Variants in LRP1B observed in about 807,000 individuals in gnomAD.
LRP1B encodes LDL receptor related protein 1B.
Under a neutral mutation model 556.6 loss-of-function variants are expected in LRP1B, and 217 were observed. That is an observed-to-expected ratio of 0.39 (90% CI 0.35 to 0.44). The LOEUF is 0.44. Among genes scored for constraint, LRP1B ranks in the 20% least tolerant of loss-of-function variants. The probability of loss-of-function intolerance (pLI) is 1.00; values close to 1 mark genes in which losing one functional copy is unlikely to be tolerated. For missense variants in LRP1B, 5,053 were observed against 5,620.8 expected, an observed-to-expected ratio of 0.90 and a Z score of 3.23; for synonymous variants, 2,047 against 1,865.8, an observed-to-expected ratio of 1.10 and a Z score of -2.50.
Position 141,175,752 on chromosome 2 carries a change from C to T in LRP1B, c.1013+12669G>A, listed in dbSNP as rs188232164. ...GAGAAGATTACCACCATCCTCCAGA[C>T]GCCAGAATGGAAGATCTACCAACAG... On this transcript the variant is annotated intron_variant, in intron 7 of 90. Coordinates refer to ENST00000389484, the MANE Select transcript of LRP1B (RefSeq NM_018557.3). Among the ~76,000 whole-genome samples, 12 of 152,154 alleles carry T rather than the reference C, an allele frequency of 7.9e-5. No homozygotes were observed. The East Asian group carries it at 1.8e-3, about 22-fold the overall frequency.
chr2:140,780,899 C>T (rs901466544), intron 32 of LRP1B, among the ~76,000 whole-genome samples: 9 of 152,072 alleles, frequency 5.9e-5, no homozygotes, highest in African/African-American at 2.2e-4. Context: ...GGTTGTTTAC[C>T]CTACCCTTTG....
At chr2:141,182,520 CCAATT>C (rs949919572) in intron 7 of LRP1B, among the ~76,000 whole-genome samples, 5 of 151,866 alleles carry the variant, frequency 3.3e-5, no homozygotes, top group African/African-American at 1.2e-4. Context: ...TACACTTTTA[CCAATT>C]CATTTTATTA....
At chr2:140,409,266 C>A (rs1458711301) in intron 66 of LRP1B, among the ~76,000 whole-genome samples, 1 of 150,994 alleles carries the variant, frequency 6.6e-6, no homozygotes, top group African/African-American at 2.4e-5. Flanking sequence ...AGGTATAAAC[C>A]TATAAAGTCG....
intron 11 of LRP1B, among the ~76,000 whole-genome samples, chr2:141,026,244 C>T (rs1485707750): frequency 6.6e-6 from 1 of 152,060 alleles, no homozygotes; most frequent in Non-Finnish European, 1.5e-5. Context: ...TATGAAAAGT[C>T]TACCCTATTA....
At chr2:141,034,593 A>C (rs539036586) in intron 11 of LRP1B, among the ~76,000 whole-genome samples, 1 of 151,966 alleles carries the variant, frequency 6.6e-6, no homozygotes, top group South Asian at 2.1e-4. Flanking sequence ...GCAGCCAAAA[A>C]ACACATGAAA....
Position 142,035,787 on chromosome 2 carries a change from G to A in LRP1B, c.82+94861C>T, listed in dbSNP as rs566274028. On this transcript the variant is annotated intron_variant, in intron 1 of 90. Transcript: ENST00000389484. ...GAATGTTACACCACGATATGGTTTC[G>A]CTGTGTCCTCACCGAAATCTCAACG... Among the ~76,000 whole-genome samples, 33 of 151,666 alleles carry A rather than the reference G, an allele frequency of 2.2e-4. No individual in the cohort carries two copies. In the South Asian group the frequency reaches 5.0e-3, roughly 23 times the overall value.
At chr2:142,116,680 G>A (rs1200084013) in intron 1 of LRP1B, among the ~76,000 whole-genome samples, 13 of 151,928 alleles carry the variant, frequency 8.6e-5, no homozygotes, top group Non-Finnish European at 1.8e-4. Flanking sequence ...TTGGTTGAAG[G>A]GTATATGGAA....
chr2:141,469,054 G>T (rs770633289), intron 3 of LRP1B, among the ~76,000 whole-genome samples: 2 of 152,030 alleles, frequency 1.3e-5, no homozygotes, highest in African/African-American at 4.8e-5. Flanking sequence ...TTTCTTAATC[G>T]CAAGCCTAAT....
intron 84 of LRP1B, among the ~76,000 whole-genome samples, chr2:140,283,689 C>G (rs1683011073): frequency 6.6e-6 from 1 of 151,550 alleles, no homozygotes; most frequent in African/African-American, 2.4e-5. Flanking sequence ...GACAAACTGC[C>G]ATTGTAAAAT....
intron 2 of LRP1B, among the ~76,000 whole-genome samples, chr2:141,676,664 T>C (rs552661473): frequency 1.3e-5 from 2 of 152,318 alleles, no homozygotes; most frequent in East Asian, 1.9e-4. Context: ...CAAATGATCT[T>C]GGACTTGATC....
At chr2:140,941,515 G>T (rs569880707) in intron 20 of LRP1B, among the ~76,000 whole-genome samples, 1 of 152,090 alleles carries the variant, frequency 6.6e-6, no homozygotes, top group South Asian at 2.1e-4. Context: ...ATTGAAATAC[G>T]AAAGACATGA....
chr2:140,970,700 T>C (rs2105328648), intron 18 of LRP1B, among the ~76,000 whole-genome samples: 1 of 135,008 alleles, frequency 7.4e-6, no homozygotes, highest in East Asian at 2.2e-4. Flanking sequence ...CTGATTTTCT[T>C]TTAATTTTTT....
At chr2:140,450,725 A>G in intron 62 of LRP1B, 64 bp from the exon 63 acceptor site, 1 of 1,145,562 alleles carries the variant, frequency 8.7e-7, no homozygotes, top group Non-Finnish European at 1.3e-6. Context: ...TGGATAATTT[A>G]AAATTTGGCA....
chr2:140,369,013 G>A (rs1482923970), intron 71 of LRP1B, among the ~76,000 whole-genome samples: 1 of 151,804 alleles, frequency 6.6e-6, no homozygotes, highest in Non-Finnish European at 1.5e-5. Flanking sequence ...TGAATTAAAG[G>A]CTCTCAACTC....
Position 140,898,583 on chromosome 2 carries a change from C to A in LRP1B, c.3766+4337G>T, listed in dbSNP as rs565395757. 218 of 337,780 alleles carry A rather than the reference C, an allele frequency of 6.5e-4. 1 individual carries two copies. The highest frequency in any genetic ancestry group is 3.1e-3 in the African/African-American group (143 of 46,554). The allele number at this position is 337,780 out of a possible 1,614,324, so 20.9% of individuals were successfully genotyped here. On this transcript the variant is annotated intron_variant, in intron 23 of 90. Transcript: ENST00000389484. ...TCCAACAACAAGATGGACAACCTAC[C>A]ACTTTTGCTGATACAAAAGTTCACT...
intron 3 of LRP1B, among the ~76,000 whole-genome samples, chr2:141,329,726 C>T (rs1225808336): frequency 6.6e-6 from 1 of 151,740 alleles, no homozygotes; most frequent in African/African-American, 2.4e-5. Flanking sequence ...AGTCTGACTT[C>T]CAGATAAGTG....
At chr2:141,814,864 T>C (rs914357737) in intron 1 of LRP1B, among the ~76,000 whole-genome samples, 1 of 152,006 alleles carries the variant, frequency 6.6e-6, no homozygotes, top group African/African-American at 2.4e-5. Flanking sequence ...GGGTGGGGCA[T>C]GAACAGGTGG....
intron 3 of LRP1B, among the ~76,000 whole-genome samples, chr2:141,350,553 G>T (rs1185979523): frequency 6.6e-6 from 1 of 151,840 alleles, no homozygotes; most frequent in Non-Finnish European, 1.5e-5. Context: ...CAACTGTCTT[G>T]GAATCAGAAA....
intron 3 of LRP1B, among the ~76,000 whole-genome samples, chr2:141,446,936 T>G (rs978562273): frequency 6.6e-6 from 1 of 152,146 alleles, no homozygotes; most frequent in Non-Finnish European, 1.5e-5. Flanking sequence ...TTCTCTATAT[T>G]TCCTGAATTT....
Sources: allele counts gnomAD v4.1 joint callset (sites outside exome capture counted in the v4.1 genomes callset), GRCh38; gene constraint gnomAD v4.1.1; transcripts MANE v1.5; gene names NCBI Gene and HGNC (gene_info 2026-07-23, HGNC 2026-07-21).